Variants in KRT72 observed in about 807,000 individuals in gnomAD.
KRT72 encodes keratin, type II cytoskeletal 72.
In KRT72, 44 loss-of-function variants were observed where a neutral mutation model predicts 44.7. That is an observed-to-expected ratio of 0.98 (90% CI 0.77 to 1.27). The LOEUF is 1.27. KRT72 is among the 50% of genes most tolerant of loss of function. The pLI is 0.00. For missense variants in KRT72, 736 were observed against 667.1 expected (o/e 1.10, Z -1.14); for synonymous variants, 302 against 280.4 (o/e 1.08, Z -0.77).
intron 6 of KRT72, 123 bp downstream of exon 6, chr12:52,590,713 C>T: frequency 1.1e-6 from 1 of 925,044 alleles, no homozygotes; most frequent in Non-Finnish European, 1.6e-6. Flanking sequence ...TCAGATCATC[C>T]TCTCCTGGTA....
At position 52,585,935 on chromosome 12, in the gene KRT72, CG is replaced by C; in HGVS notation, c.*46del. ...AGCCCAGGGAAGGAGAGGGAGGAGA[CG>C]GGTGAGTTGGGAAGCCTTCTGCTCA... On this transcript the variant is annotated 3_prime_UTR_variant, in exon 9 of 9. Transcript: ENST00000293745. 6.5e-7 allele frequency: 1 copy of C among 1,533,910 alleles called. No homozygotes were observed. The highest frequency in any genetic ancestry group is 8.9e-7 in the Non-Finnish European group (1 of 1,119,860).
intron 2 of KRT72, among the ~76,000 whole-genome samples, chr12:52,594,150 C>T (rs1349381825): frequency 1.3e-5 from 2 of 152,114 alleles, no homozygotes; most frequent in African/African-American, 4.8e-5. Flanking sequence ...TCGCTCATTC[C>T]TAAGGCATGT....
upstream of KRT72, chr12:52,601,528 G>T: frequency 6.9e-7 from 1 of 1,451,636 alleles, no homozygotes; most frequent in Non-Finnish European, 9.2e-7. Context: ...GGCCCAGCTC[G>T]CCCCTTAAAT....
intron 2 of KRT72, among the ~76,000 whole-genome samples, chr12:52,597,171 T>C (rs1047861580): frequency 1.3e-5 from 2 of 152,244 alleles, no homozygotes; most frequent in African/African-American, 4.8e-5. Flanking sequence ...CTTACACTTA[T>C]GATTAAAAGG....
Position 52,592,910 on chromosome 12 carries a change from C to G in KRT72, c.684G>C (p.Glu228Asp), listed in dbSNP as rs142291678. Reference sequence around the variant, plus strand: ...CTCTTACCTTCTTGAGCACCACAAACTCATTCTCAGCAGCTGTGCGTCTGT... The same window carrying G: ...CTCTTACCTTCTTGAGCACCACAAAGTCATTCTCAGCAGCTGTGCGTCTGT... ...EINRRTAAENEFVVLKKDVDA... is the reference protein window; with the variant it reads ...EINRRTAAENDFVVLKKDVDA... The change falls in exon 3 of 9, where the codon GAG becomes GAC. Residue 228 changes from glutamate (E) to aspartate (D), a missense_variant. Coordinates refer to ENST00000293745, the MANE Select transcript of KRT72 (RefSeq NM_080747.3). 1 of 1,613,980 alleles carries G rather than the reference C, an allele frequency of 6.2e-7. No individual in the cohort carries two copies. Among genetic ancestry groups the G allele is most frequent in the Non-Finnish European group, 8.5e-7 (1 of 1,179,938 alleles).
intron 2 of KRT72, among the ~76,000 whole-genome samples, chr12:52,594,999 C>T (rs1940186939): frequency 6.6e-6 from 1 of 152,096 alleles, no homozygotes; most frequent in Admixed American, 6.5e-5. Context: ...TTTATATTAT[C>T]TTACAAAAAG....
At chr12:52,602,213 A>T (rs1940498614), upstream of KRT72, among the ~76,000 whole-genome samples, 1 of 152,198 alleles carries the variant, frequency 6.6e-6, no homozygotes, top group Non-Finnish European at 1.5e-5. Flanking sequence ...AGGAAGACTC[A>T]GGCATGGTTT....
At position 52,591,589 on chromosome 12, in the gene KRT72, T is replaced by A. The variant is rs1940029554; in HGVS notation, c.838A>T (p.Ile280Phe). 1 of 1,613,914 alleles carries A rather than the reference T, an allele frequency of 6.2e-7. No individual in the cohort carries two copies. Among genetic ancestry groups the A allele is most frequent in the Non-Finnish European group, 8.5e-7 (1 of 1,179,830 alleles). The stretch of plus-strand genomic sequence containing the variant: ...CGGTTGTTGTCCATTGACAGGACGA[T>A]GGACGTGTCGCTGATGTGGGACTGG... ...QIQSHISDTS[I>F]VLSMDNNRDL... Residue 280 changes from isoleucine (I) to phenylalanine (F), a missense_variant, in exon 5 of 9, where the codon ATC becomes TTC. Ile to Phe is a conservative substitution (Grantham distance 21). Coordinates refer to ENST00000293745, the MANE Select transcript of KRT72 (RefSeq NM_080747.3).
Position 52,601,255 on chromosome 12 carries a change from C to T in KRT72, c.198G>A (p.Arg66=). The T allele has an allele frequency of 6.4e-7, 1 of 1,564,660 alleles. No individual in the cohort carries two copies. Among genetic ancestry groups the T allele is most frequent in the South Asian group, 1.2e-5 (1 of 86,562 alleles). ...RSLALSAAAR[R]GGGRLGGFVG... ...CGAAGCCGCCCAGGCGGCCGCCGCC[C>T]CGCCGTGCAGCAGCGCTGAGCGCCA... is the stretch of plus-strand genomic sequence containing the variant. Residue 66 remains arginine (R), a synonymous_variant, in exon 1 of 9, where the codon CGG becomes CGA. Transcript: ENST00000293745.
At chr12:52,587,418 G>A (rs1385521893) in intron 7 of KRT72, among the ~76,000 whole-genome samples, 3 of 152,070 alleles carry the variant, frequency 2.0e-5, no homozygotes, top group Non-Finnish European at 2.9e-5. Context: ...AAACATTGCC[G>A]GCATTAATAC....
At chr12:52,588,584 G>T (rs980519766) in intron 6 of KRT72, among the ~76,000 whole-genome samples, 22 of 146,098 alleles carry the variant, frequency 1.5e-4, no homozygotes, top group African/African-American at 5.9e-4. Context: ...TGGTTGATAG[G>T]TGATGGGTTG....
At chr12:52,602,334 C>T (rs1237492186), upstream of KRT72, among the ~76,000 whole-genome samples, 2 of 152,184 alleles carry the variant, frequency 1.3e-5, no homozygotes, top group African/African-American at 4.8e-5. Flanking sequence ...TCATTTGCCA[C>T]CCAGTCATTT....
chr12:52,597,442 G>A (rs182154910), intron 2 of KRT72, among the ~76,000 whole-genome samples: 31 of 152,340 alleles, frequency 2.0e-4, no homozygotes, highest in Non-Finnish European at 3.4e-4. Context: ...ACAGGTGGAA[G>A]AGATGGGTGA....
chr12:52,591,375 A>AC, intron 5 of KRT72, 89 bp downstream of exon 5: 1 of 1,059,156 alleles, frequency 9.4e-7, no homozygotes, highest in Non-Finnish European at 1.3e-6. Flanking sequence ...CACACACACA[A>AC]ACACACGCAC....
At chr12:52,597,498 T>C (rs1940263192) in intron 2 of KRT72, among the ~76,000 whole-genome samples, 2 of 152,234 alleles carry the variant, frequency 1.3e-5, no homozygotes, top group Non-Finnish European at 1.5e-5. Context: ...CTAATATTTA[T>C]TGTACCCCTT....
Position 52,598,817 on chromosome 12 carries a change from A to G in KRT72, c.641+81T>C, listed in dbSNP as rs1592233116. On this transcript the variant is annotated intron_variant, in intron 2 of 8. Transcript: ENST00000293745. ...CTCCCCCGGTATCAGCAAGGATCTC[A>G]GAAGCAAAAATGCCATCTCCAAACG... 18 of 1,280,076 alleles carry G rather than the reference A, an allele frequency of 1.4e-5. 1 individual carries two copies. The South Asian group carries it at 2.2e-4, about 16-fold the overall frequency. 79.3% of individuals were successfully genotyped at this position (1,280,076 alleles called of 1,614,324 possible). A position where few individuals can be genotyped will look rare whatever the true frequency, so the allele number is the denominator to read the frequency against.
Position 52,596,420 on chromosome 12 carries a change from T to A in KRT72, c.641+2478A>T, listed in dbSNP as rs1940228341. Among the ~76,000 whole-genome samples, 4 of 152,226 alleles carry A rather than the reference T, an allele frequency of 2.6e-5. No homozygotes were observed. The South Asian group carries it at 8.3e-4, about 31-fold the overall frequency. ...CTCATTAGGAAAAGTATTTTCAATT[T>A]TTTTTCATTTTTTATGTTTAATACT... On this transcript the variant is annotated intron_variant, in intron 2 of 8. Coordinates refer to ENST00000293745, the MANE Select transcript of KRT72 (RefSeq NM_080747.3).
Position 52,585,876 on chromosome 12 carries a change from G to A in KRT72, c.*106C>T. 9.6e-7 allele frequency: 1 copy of A among 1,045,324 alleles called. No individual in the cohort carries two copies. The highest frequency in any genetic ancestry group is 2.0e-5 in the Admixed American group (1 of 49,538). The allele number at this position is 1,045,324 out of a possible 1,614,324, so 64.8% of individuals were successfully genotyped here. A position where few individuals can be genotyped will look rare whatever the true frequency, so the allele number is the denominator to read the frequency against. ...GAGAGGAAATGGGGTTGGGACTGTA[G>A]TGACAGACAAAGCATTTCTTGACTT... is the stretch of plus-strand genomic sequence containing the variant. On this transcript the variant is annotated 3_prime_UTR_variant, in exon 9 of 9. Coordinates refer to ENST00000293745, the MANE Select transcript of KRT72 (RefSeq NM_080747.3).
rs1432859890 is a variant in KRT72 at position 52,598,783 on chromosome 12, T to C, written c.641+115A>G. Reference sequence around the variant, plus strand: ...TTTTCCTAGTTCCATTCTGTCTGGATGTTCCTCCCTCCCCCGGTATCAGCA... The same window carrying C: ...TTTTCCTAGTTCCATTCTGTCTGGACGTTCCTCCCTCCCCCGGTATCAGCA... On this transcript the variant is annotated intron_variant, in intron 2 of 8. Coordinates refer to ENST00000293745, the MANE Select transcript of KRT72 (RefSeq NM_080747.3). The C allele has an allele frequency of 4.1e-5, 34 of 836,212 alleles. No individual in the cohort carries two copies. The East Asian group carries it at 5.1e-4, about 13-fold the overall frequency. 51.8% of individuals were successfully genotyped at this position (836,212 alleles called of 1,614,324 possible). A position where few individuals can be genotyped will look rare whatever the true frequency, so the allele number is the denominator to read the frequency against.
Sources: allele counts gnomAD v4.1 joint callset (sites outside exome capture counted in the v4.1 genomes callset), GRCh38; gene constraint gnomAD v4.1.1; transcripts MANE v1.5; gene names NCBI Gene and HGNC (gene_info 2026-07-23, HGNC 2026-07-21).